The following TTLL5 variants were observed in gnomAD, a reference collection of about 807,000 sequenced individuals.
TTLL5 encodes the protein tubulin tyrosine ligase like 5.
A neutral mutation model predicts 168.4 loss-of-function variants in TTLL5; 132 were observed. That is an observed-to-expected ratio of 0.78 (90% CI 0.68 to 0.91). The LOEUF is 0.91. Among genes scored for constraint, TTLL5 ranks in the 40% least tolerant of loss-of-function variants. The pLI is 0.00. For synonymous variants in TTLL5, 546 were observed against 558.6 expected (o/e 0.98, Z 0.32); for missense variants, 1,545 against 1,581.5 (o/e 0.98, Z 0.39).
intron 31 of TTLL5, among the ~76,000 whole-genome samples, chr14:75,952,404 C>T (rs946342587): frequency 9.9e-5 from 15 of 152,246 alleles, no homozygotes; most frequent in African/African-American, 3.6e-4. Context: ...CCTTCATGCA[C>T]TGTTGGGAGG....
chr14:75,783,439 A>G lies in TTLL5; in HGVS notation c.2895A>G (p.Ser965=). 2 of 1,614,230 alleles carry G rather than the reference A, an allele frequency of 1.2e-6. No individual in the cohort carries two copies. Among genetic ancestry groups the G allele is most frequent in the South Asian group, 2.2e-5 (2 of 91,088 alleles). ...CTACTGGCCTGCCACGCTGTCGATCAGGAAGTCACACCATTGGTCCCTTTT... is the reference window on the plus strand; with the variant it reads ...CTACTGGCCTGCCACGCTGTCGATCGGGAAGTCACACCATTGGTCCCTTTT... The part of the protein sequence containing the change: ...PSPTGLPRCR[S]GSHTIGPFSS... The change falls in exon 26 of 32, where the codon TCA becomes TCG. Residue 965 remains serine (S), a synonymous_variant. Transcript: ENST00000298832.
intron 6 of TTLL5, among the ~76,000 whole-genome samples, chr14:75,698,905 T>TAA (rs79334798): frequency 1.4e-5 from 2 of 139,900 alleles, no homozygotes; most frequent in Admixed American, 7.1e-5. Context: ...GACCCTGCCT[T>TAA]AAAAAAAAAA....
intron 28 of TTLL5, among the ~76,000 whole-genome samples, chr14:75,850,050 A>G (rs1348509178): frequency 6.6e-6 from 1 of 151,786 alleles, no homozygotes; most frequent in Non-Finnish European, 1.5e-5. Context: ...AGGTTGCAGT[A>G]AACCGAGATC....
Position 75,782,585 on chromosome 14 carries a change from C to T in TTLL5, c.2602+12C>T, listed in dbSNP as rs774980848. 6.2e-7 allele frequency: 1 copy of T among 1,607,128 alleles called. No homozygotes were observed. Among genetic ancestry groups the T allele is most frequent in the Non-Finnish European group, 8.5e-7 (1 of 1,174,814 alleles). ...TGATAAATTATCTCGTGAGTGATTT[C>T]AAACCTACCTAGATTTGCTGCTCTC... is the stretch of plus-strand genomic sequence containing the variant. On this transcript the variant is annotated intron_variant, in intron 25 of 31. Coordinates refer to ENST00000298832, the MANE Select transcript of TTLL5 (RefSeq NM_015072.5).
At chr14:75,864,541 A>C (rs2030349057) in intron 29 of TTLL5, among the ~76,000 whole-genome samples, 2 of 152,176 alleles carry the variant, frequency 1.3e-5, no homozygotes, top group South Asian at 4.2e-4. Context: ...GCCAGAAACT[A>C]CTGAGTGAGG....
At chr14:75,741,818 T>C (rs987792938) in intron 15 of TTLL5, among the ~76,000 whole-genome samples, 4 of 152,178 alleles carry the variant, frequency 2.6e-5, no homozygotes, top group African/African-American at 9.7e-5. Flanking sequence ...AATTGTAGGC[T>C]GTAACAAAGG....
intron 5 of TTLL5, among the ~76,000 whole-genome samples, chr14:75,686,181 GA>G (rs1292141942): frequency 2.6e-5 from 4 of 152,186 alleles, no homozygotes; most frequent in Non-Finnish European, 2.9e-5. Flanking sequence ...GGTTTTGAAG[GA>G]GTGGAACAAA....
intron 28 of TTLL5, among the ~76,000 whole-genome samples, chr14:75,837,962 T>C (rs1895965541): frequency 6.6e-6 from 1 of 152,218 alleles, no homozygotes. Context: ...TTTTTGGCTA[T>C]TGTGAATAAA....
intron 6 of TTLL5, among the ~76,000 whole-genome samples, chr14:75,692,527 A>G (rs1481511240): frequency 1.3e-5 from 2 of 152,212 alleles, no homozygotes; most frequent in East Asian, 1.9e-4. Flanking sequence ...AAGGGACACC[A>G]TAAACAGACT....
chr14:75,711,144 A>C (rs778026037), intron 9 of TTLL5: 15 of 152,222 alleles, frequency 9.9e-5, no homozygotes, highest in Non-Finnish European at 1.9e-4. Context: ...TATTAACATA[A>C]GAAGTGGGAG....
At chr14:75,697,151 A>G (rs983572572) in intron 6 of TTLL5, among the ~76,000 whole-genome samples, 2 of 152,204 alleles carry the variant, frequency 1.3e-5, no homozygotes, top group African/African-American at 4.8e-5. Context: ...CATATTGTTT[A>G]TGGCTACTTT....
Position 75,785,678 on chromosome 14 carries a change from T to G in TTLL5, c.2986+2148T>G, listed in dbSNP as rs971296240. 2.0e-5 allele frequency among the ~76,000 whole-genome samples: 3 copies of G among 152,246 alleles called. No individual in the cohort carries two copies. The East Asian group carries it at 5.8e-4, about 29-fold the overall frequency. On this transcript the variant is annotated intron_variant, in intron 26 of 31. Transcript: ENST00000298832. ...ACTCTTCTCAAAAATCAATTAATTA[T>G]AAATGTAAAAGTTTATTTTTAAGGC...
chr14:75,907,071 ATATT>A (rs2033176461), intron 31 of TTLL5, among the ~76,000 whole-genome samples: 1 of 152,260 alleles, frequency 6.6e-6, no homozygotes, highest in Non-Finnish European at 1.5e-5. Flanking sequence ...AAGAGAATGG[ATATT>A]TATTATTAAG....
rs1251631080 is a variant in TTLL5, at chr14:75,782,501, A to G, written c.2530A>G (p.Ile844Val). 8 of 1,613,676 alleles carry G rather than the reference A, an allele frequency of 5.0e-6. No homozygotes were observed. The highest frequency in any genetic ancestry group is 4.0e-5 in the African/African-American group (3 of 74,934). Residue 844 changes from isoleucine to valine, a missense_variant, in exon 25 of 32, where the codon ATA (isoleucine) becomes GTA (valine). Physicochemically the swap from Ile to Val is conservative, Grantham distance 29 (BLOSUM62 3). Transcript: ENST00000298832. ...TCTTATTTCAGATCACCCTGAGACT[A>G]TAATGGAAGAAGTGAAAATAAAGCC... ...SGAKGDHPET[I>V]MEEVKIKPPK...
chr14:75,805,528 G>C (rs545868444), intron 27 of TTLL5, among the ~76,000 whole-genome samples: 2 of 151,958 alleles, frequency 1.3e-5, no homozygotes, highest in East Asian at 3.9e-4. Flanking sequence ...TCCTTTTCCT[G>C]TGATTTCATC....
chr14:75,683,755 G>A (rs1884806338), intron 5 of TTLL5, 99 bp downstream of exon 5: 5 of 811,944 alleles, frequency 6.2e-6, no homozygotes, highest in Non-Finnish European at 7.8e-6. Context: ...AGAGGAAGAT[G>A]AAAATGAAGA....
intron 31 of TTLL5, among the ~76,000 whole-genome samples, chr14:75,944,730 T>G (rs895673665): frequency 2.6e-5 from 4 of 152,018 alleles, no homozygotes; most frequent in African/African-American, 9.7e-5. Flanking sequence ...CTCTCTAAAA[T>G]AATAATCAGT....
chr14:75,843,924 C>T (rs945457345), intron 28 of TTLL5, among the ~76,000 whole-genome samples: 2 of 31,884 alleles, frequency 6.3e-5, no homozygotes, highest in Admixed American at 4.5e-4. Context: ...GATGGAGCCT[C>T]GTTCTGTCAC....
chr14:75,912,987 G>T (rs1344946920), intron 31 of TTLL5, among the ~76,000 whole-genome samples: 1 of 152,116 alleles, frequency 6.6e-6, no homozygotes, highest in Non-Finnish European at 1.5e-5. Flanking sequence ...TAGAGGATTG[G>T]GTGAATTGCA....
Sources: allele counts gnomAD v4.1 joint callset (sites outside exome capture counted in the v4.1 genomes callset), GRCh38; gene constraint gnomAD v4.1.1; transcripts MANE v1.5; gene names NCBI Gene and HGNC (gene_info 2026-07-23, HGNC 2026-07-21).